The following PCDH15 variants were observed in gnomAD, a reference collection of about 807,000 sequenced individuals.
PCDH15 encodes protocadherin related 15.
PCDH15 carries 129 observed loss-of-function variants against 178.5 expected under a neutral mutation model. The observed-to-expected ratio is 0.72, with a 90% CI of 0.63 to 0.84. PCDH15 has a LOEUF of 0.84. PCDH15 is among the 40% of genes least tolerant of loss of function. The pLI is 0.00. For synonymous variants in PCDH15, 800 were observed against 732.0 expected, an observed-to-expected ratio of 1.09 and a Z score of -1.50; for missense variants, 2,230 against 2,099.9, an observed-to-expected ratio of 1.06 and a Z score of -1.21.
chr10:54,966,759 G>C (rs1212498598), intron 2 of PCDH15, among the ~76,000 whole-genome samples: 2 of 151,968 alleles, frequency 1.3e-5, no homozygotes, highest in African/African-American at 4.8e-5. Flanking sequence ...TCTCTTTCCT[G>C]CTGCCATGAA....
At position 54,860,214 on chromosome 10, in the gene PCDH15, G is replaced by C. The variant is rs557313022; in HGVS notation, c.-29+37236C>G. On this transcript the variant is annotated intron_variant, in intron 3 of 5. Coordinates refer to the PCDH15 transcript ENST00000458638. The stretch of plus-strand genomic sequence containing the variant: ...TTGTTTCATGGGTGTATTGTGCATT[G>C]CTGAGGATTGTGGTACAACTGATTC... 2.6e-5 allele frequency among the ~76,000 whole-genome samples: 4 copies of C among 152,150 alleles called. No homozygotes were observed. The East Asian group carries it at 7.8e-4, about 30-fold the overall frequency.
chr10:54,433,023 T>C (rs1589383283), intron 3 of PCDH15, among the ~76,000 whole-genome samples: 2 of 151,908 alleles, frequency 1.3e-5, no homozygotes, highest in South Asian at 4.2e-4. Flanking sequence ...CAATGAGATA[T>C]CATCTTACAC....
At chr10:55,106,423 C>G (rs1035692499) in intron 2 of PCDH15, among the ~76,000 whole-genome samples, 2 of 152,032 alleles carry the variant, frequency 1.3e-5, no homozygotes, top group African/African-American at 2.4e-5. Flanking sequence ...ATTATTATTA[C>G]TATTTTTGAG....
At chr10:55,534,468 A>G (rs1841527358) in intron 2 of PCDH15, among the ~76,000 whole-genome samples, 1 of 152,142 alleles carries the variant, frequency 6.6e-6, no homozygotes, top group Non-Finnish European at 1.5e-5. Context: ...ACATGAAAAA[A>G]TACTCATCAT....
At chr10:54,152,262 T>G (rs540526983) in intron 14 of PCDH15, among the ~76,000 whole-genome samples, 2 of 152,292 alleles carry the variant, frequency 1.3e-5, no homozygotes, top group East Asian at 3.9e-4. Flanking sequence ...AAAAAACTGA[T>G]ATACTTGCAC....
chr10:54,217,904 C>A (rs1453471111), intron 9 of PCDH15, among the ~76,000 whole-genome samples: 1 of 152,000 alleles, frequency 6.6e-6, no homozygotes, highest in Non-Finnish European at 1.5e-5. Context: ...TTTTCAAGAG[C>A]CAAAAGGCTT....
At chr10:55,042,435 G>A (rs1388733921) in intron 2 of PCDH15, among the ~76,000 whole-genome samples, 2 of 152,030 alleles carry the variant, frequency 1.3e-5, no homozygotes, top group African/African-American at 4.8e-5. Flanking sequence ...ACAGCATATA[G>A]TGAGATCATT....
At chr10:54,387,409 A>G (rs1013514903) in intron 3 of PCDH15, among the ~76,000 whole-genome samples, 1 of 152,206 alleles carries the variant, frequency 6.6e-6, no homozygotes, top group Admixed American at 6.5e-5. Flanking sequence ...AAAGAAGGAA[A>G]TTCTGACACA....
At chr10:54,677,124 C>T (rs1435961002) in intron 1 of PCDH15, among the ~76,000 whole-genome samples, 1 of 152,144 alleles carries the variant, frequency 6.6e-6, no homozygotes, top group Non-Finnish European at 1.5e-5. Flanking sequence ...GTAATCCTAG[C>T]ACTTTGGGAG....
chr10:54,441,521 C>G (rs1429359062), intron 3 of PCDH15, among the ~76,000 whole-genome samples: 1 of 151,776 alleles, frequency 6.6e-6, no homozygotes, highest in African/African-American at 2.4e-5. Context: ...ACCAGCGGGG[C>G]GACATTTAAG....
chr10:54,835,952 T>A (rs962018972), intron 3 of PCDH15, among the ~76,000 whole-genome samples: 2 of 152,092 alleles, frequency 1.3e-5, no homozygotes, highest in African/African-American at 4.8e-5. Context: ...CTCAATCTCT[T>A]TAAAAGATAC....
intron 2 of PCDH15, among the ~76,000 whole-genome samples, chr10:54,598,679 C>T (rs1448806886): frequency 6.6e-6 from 1 of 152,112 alleles, no homozygotes; most frequent in Non-Finnish European, 1.5e-5. Context: ...GAGAGGAAGT[C>T]AAACTAATCC....
chr10:54,832,701 A>C lies in PCDH15; in HGVS notation c.-29+64749T>G, dbSNP rs939528146. Among the ~76,000 whole-genome samples, 7 of 152,226 alleles carry C rather than the reference A, an allele frequency of 4.6e-5. 1 individual carries two copies. The East Asian group carries it at 1.2e-3, about 25-fold the overall frequency. On this transcript the variant is annotated intron_variant, in intron 3 of 5. Coordinates refer to the PCDH15 transcript ENST00000458638. ...TACAATATGGATGGTTCAGTTTGAA[A>C]ATATTACCACTAATGGAAAAATGAG...
At chr10:55,312,412 A>G (rs1351466108) in intron 1 of PCDH15, among the ~76,000 whole-genome samples, 1 of 152,200 alleles carries the variant, frequency 6.6e-6, no homozygotes, top group Non-Finnish European at 1.5e-5. Flanking sequence ...CTGGAGGTCC[A>G]TCTGTTAGTA....
intron 2 of PCDH15, among the ~76,000 whole-genome samples, chr10:55,031,851 G>A (rs965005945): frequency 6.6e-6 from 1 of 152,092 alleles, no homozygotes; most frequent in Non-Finnish European, 1.5e-5. Context: ...CCAGAGCTAT[G>A]AGAAAAACAC....
At chr10:55,339,439 T>C (rs1050124393) in intron 2 of PCDH15, among the ~76,000 whole-genome samples, 2 of 152,082 alleles carry the variant, frequency 1.3e-5, no homozygotes, top group Non-Finnish European at 2.9e-5. Flanking sequence ...GATGTAAGGG[T>C]TCCATTGAAA....
chr10:53,835,337 T>TAAAC (rs2077244946), intron 29 of PCDH15, among the ~76,000 whole-genome samples: 1 of 151,976 alleles, frequency 6.6e-6, no homozygotes, highest in African/African-American at 2.4e-5. Context: ...ATAAGACAGA[T>TAAAC]AAACAAGCTA....
intron 1 of PCDH15, among the ~76,000 whole-genome samples, chr10:54,742,992 C>T (rs183018470): frequency 2.0e-5 from 3 of 151,970 alleles, no homozygotes; most frequent in Non-Finnish European, 4.4e-5. Context: ...TTTATCTAAC[C>T]GTTTGAAAAA....
At chr10:54,062,757 T>C (rs565412017) in intron 18 of PCDH15, among the ~76,000 whole-genome samples, 1 of 141,156 alleles carries the variant, frequency 7.1e-6, no homozygotes, top group Admixed American at 7.4e-5. Context: ...GAACAAAGAA[T>C]CACTAGGAAA....
Sources: allele counts gnomAD v4.1 joint callset (sites outside exome capture counted in the v4.1 genomes callset), GRCh38; gene constraint gnomAD v4.1.1; transcripts MANE v1.5; gene names NCBI Gene and HGNC (gene_info 2026-07-23, HGNC 2026-07-21).